TMEM116: variants seen among roughly 807,000 people sequenced by gnomAD.
TMEM116 encodes the protein transmembrane protein 116.
A neutral mutation model predicts 44.3 loss-of-function variants in TMEM116; 38 were observed. That is an observed-to-expected ratio of 0.86 (90% CI 0.66 to 1.12). TMEM116 has a LOEUF of 1.12. Among genes scored for constraint, TMEM116 ranks in the 50% most tolerant of loss-of-function variants. TMEM116 has a pLI of 0.00. For synonymous variants in TMEM116, 132 were observed against 144.8 expected (o/e 0.91, Z 0.64); for missense variants, 354 against 401.7 (o/e 0.88, Z 1.01).
At chr12:111,991,599 AAT>A in intron 4 of TMEM116, 157 bp downstream of exon 4, 1 of 594,148 alleles carries the variant, frequency 1.7e-6, no homozygotes, top group Non-Finnish European at 2.6e-6. Context: ...AATATTCTAT[AAT>A]ATAGTGTTTT....
chr12:111,954,304 T>C (rs2073940449), intron 4 of TMEM116, among the ~76,000 whole-genome samples: 1 of 152,136 alleles, frequency 6.6e-6, no homozygotes, highest in African/African-American at 2.4e-5. Flanking sequence ...ATGTTTTCTA[T>C]TGCCAGGCAG....
chr12:111,994,919 G>A (rs2076846183), intron 3 of TMEM116, among the ~76,000 whole-genome samples: 1 of 152,112 alleles, frequency 6.6e-6, no homozygotes, highest in Non-Finnish European at 1.5e-5. Context: ...CCCCTCATGT[G>A]TCTATTTATA....
intron 3 of TMEM116, among the ~76,000 whole-genome samples, chr12:112,000,076 A>C (rs1350583845): frequency 6.6e-6 from 1 of 152,234 alleles, no homozygotes; most frequent in Non-Finnish European, 1.5e-5. Flanking sequence ...CAATTAATAA[A>C]ATAATAAATG....
At chr12:111,990,182 G>A (rs1162968758) in intron 4 of TMEM116, among the ~76,000 whole-genome samples, 1 of 151,878 alleles carries the variant, frequency 6.6e-6, no homozygotes, top group Middle Eastern at 3.4e-3. Flanking sequence ...GTGAACCCGG[G>A]AGGTGGAGCT....
At chr12:111,982,069 A>G (rs1343808792) in intron 4 of TMEM116, among the ~76,000 whole-genome samples, 2 of 152,184 alleles carry the variant, frequency 1.3e-5, no homozygotes, top group Non-Finnish European at 2.9e-5. Context: ...TGGTCAAAGT[A>G]TATAAAATTT....
chr12:111,944,412 C>T (rs2073090009), intron 4 of TMEM116, among the ~76,000 whole-genome samples: 1 of 152,004 alleles, frequency 6.6e-6, no homozygotes, highest in African/African-American at 2.4e-5. Context: ...GTAATCTCAG[C>T]ACTTTGTGAG....
chr12:111,933,841 A>G (rs747760132), intron 9 of TMEM116, 45 bp downstream of exon 9: 3 of 1,608,384 alleles, frequency 1.9e-6, no homozygotes, highest in Non-Finnish European at 2.5e-6. Flanking sequence ...TCAGAACCTA[A>G]TAACTGCCCT....
chr12:112,005,013 T>C (rs1791730593), intron 2 of TMEM116, among the ~76,000 whole-genome samples: 1 of 152,220 alleles, frequency 6.6e-6, no homozygotes, highest in African/African-American at 2.4e-5. Context: ...GCTATTGATT[T>C]TGCAACTGAT....
At chr12:111,997,433 C>T (rs1225780582) in intron 3 of TMEM116, among the ~76,000 whole-genome samples, 4 of 152,186 alleles carry the variant, frequency 2.6e-5, no homozygotes, top group Non-Finnish European at 5.9e-5. Flanking sequence ...TAGTGGCGTG[C>T]ACCTGTAGTC....
chr12:111,999,307 T>C (rs575978372), intron 3 of TMEM116, among the ~76,000 whole-genome samples: 10 of 152,260 alleles, frequency 6.6e-5, no homozygotes, highest in African/African-American at 2.4e-4. Context: ...TTTAAAAATA[T>C]TGTAACTTGG....
intron 4 of TMEM116, among the ~76,000 whole-genome samples, chr12:111,973,456 A>T (rs1299180968): frequency 5.3e-5 from 8 of 152,148 alleles, no homozygotes; most frequent in Non-Finnish European, 1.0e-4. Context: ...AGTCCAGCCT[A>T]GGCAACATAA....
intron 4 of TMEM116, among the ~76,000 whole-genome samples, chr12:111,990,390 G>T (rs1051331421): frequency 6.6e-6 from 1 of 152,110 alleles, no homozygotes; most frequent in Non-Finnish European, 1.5e-5. Context: ...AGTTAATCAG[G>T]TCCAGGATTC....
rs968256808 is a variant in TMEM116, at chr12:111,988,807, T to C, written c.210+2951A>G. Among the ~76,000 whole-genome samples the C allele has an allele frequency of 2.6e-5, 4 of 151,448 alleles. No homozygotes were observed. In the South Asian group the frequency reaches 8.3e-4, roughly 32 times the overall value. The stretch of plus-strand genomic sequence containing the variant: ...GAGTTCAAGACCAGCCTGGCCAACA[T>C]AGTGAAACCCCGTCTCTACTAAAAA... On this transcript the variant is annotated intron_variant, in intron 4 of 10. Coordinates refer to ENST00000552374, the MANE Select transcript of TMEM116 (RefSeq NM_001193531.2).
chr12:112,003,844 G>C lies in TMEM116; in HGVS notation c.34C>G (p.Leu12Val). 1 of 1,515,256 alleles carries C rather than the reference G, an allele frequency of 6.6e-7. No individual in the cohort carries two copies. Among genetic ancestry groups the C allele is most frequent in the East Asian group, 2.5e-5 (1 of 39,684 alleles). 93.9% of individuals were successfully genotyped at this position (1,515,256 alleles called of 1,614,324 possible). ...TTATGGAATACAGCATAGGCAATAA[G>C]TGAACTTGAACCTATAACACTGAGA... ...ATLSVIGSSS[L>V]IAYAVFHNIQ... is the part of the protein sequence containing the mutation. The change falls in exon 3 of 11, where the codon CTT becomes GTT. Residue 12 changes from leucine to valine, a missense_variant. Transcript: ENST00000552374.
intron 4 of TMEM116, among the ~76,000 whole-genome samples, chr12:111,965,049 A>G (rs541868040): frequency 6.6e-6 from 1 of 152,308 alleles, no homozygotes; most frequent in African/African-American, 2.4e-5. Flanking sequence ...GGAACTAGAA[A>G]TCTAGATTCA....
At chr12:111,957,696 G>C (rs1167221014) in intron 4 of TMEM116, among the ~76,000 whole-genome samples, 1 of 150,964 alleles carries the variant, frequency 6.6e-6, no homozygotes, top group Admixed American at 6.6e-5. Flanking sequence ...TCTGGGAGGT[G>C]GGGGGGCCCC....
rs368109524 is a variant in TMEM116, at chr12:111,933,892, C to G, written c.727G>C (p.Gly243Arg). 1.7e-5 allele frequency: 27 copies of G among 1,613,790 alleles called. No individual in the cohort carries two copies. In the East Asian group the frequency reaches 6.0e-4, roughly 36 times the overall value. Reference protein sequence around the residue: ...FYPVAFFCCWGPAVILMIIKL... With the variant: ...FYPVAFFCCWRPAVILMIIKL... ...CTTCTTGTTAAGTACCTACCTGGGC[C>G]CCAGCAGCAAAAGAAGGCCACTGGG... The change falls in exon 9 of 11, where the codon GGC (glycine) becomes CGC (arginine). Residue 243 changes from glycine (G) to arginine (R), a missense_variant. Transcript: ENST00000552374.
At chr12:111,971,054 C>T (rs2075304899) in intron 4 of TMEM116, among the ~76,000 whole-genome samples, 1 of 152,098 alleles carries the variant, frequency 6.6e-6, no homozygotes, top group Admixed American at 6.6e-5. Context: ...TTCTGTCAAC[C>T]TCGAATTCTA....
At chr12:111,957,442 G>A (rs1415757078) in intron 4 of TMEM116, among the ~76,000 whole-genome samples, 11 of 151,654 alleles carry the variant, frequency 7.3e-5, no homozygotes, top group East Asian at 2.0e-4. Flanking sequence ...CAGCCACCCC[G>A]TCTGGGAAGT....
Sources: allele counts gnomAD v4.1 joint callset (sites outside exome capture counted in the v4.1 genomes callset), GRCh38; gene constraint gnomAD v4.1.1; transcripts MANE v1.5; gene names NCBI Gene and HGNC (gene_info 2026-07-23, HGNC 2026-07-21).